The following GAPVD1 variants were observed in gnomAD, a reference collection of about 807,000 sequenced individuals.
GAPVD1 encodes GTPase activating protein and VPS9 domains 1.
Under a neutral mutation model 155.5 loss-of-function variants are expected in GAPVD1, and 35 were observed. That is an observed-to-expected ratio of 0.23 (90% CI 0.17 to 0.30). The LOEUF is 0.30. Among genes scored for constraint, GAPVD1 ranks in the 10% least tolerant of loss-of-function variants. The pLI is 1.00. For missense variants in GAPVD1, 1,429 were observed against 1,775.7 expected, an observed-to-expected ratio of 0.80 and a Z score of 3.51; for synonymous variants, 636 against 619.7, an observed-to-expected ratio of 1.03 and a Z score of -0.39.
intron 1 of GAPVD1, chr9:125,263,833 G>A (rs557170302): frequency 1.7e-6 from 2 of 1,157,416 alleles, no homozygotes; most frequent in East Asian, 2.3e-5. Context: ...TAGGGTAGCA[G>A]GTACAGTCTC....
intron 9 of GAPVD1, among the ~76,000 whole-genome samples, chr9:125,318,311 T>C (rs1843748163): frequency 6.6e-6 from 1 of 152,222 alleles, no homozygotes; most frequent in African/African-American, 2.4e-5. Flanking sequence ...ACTCAGATTC[T>C]GTGGTTTTAG....
intron 7 of GAPVD1, 32 bp downstream of exon 7, chr9:125,307,579 G>A (rs368890047): frequency 6.3e-6 from 10 of 1,598,154 alleles, no homozygotes; most frequent in South Asian, 2.2e-5. Flanking sequence ...AGAATTTCTC[G>A]AAAGTCTTTT....
chr9:125,348,479 G>A (rs115446748), intron 20 of GAPVD1, among the ~76,000 whole-genome samples: 2,742 of 152,084 alleles, frequency 0.018, 61 homozygotes, highest in African/African-American at 0.061. Context: ...CGTTTTGATT[G>A]TATACATGTA....
rs1435873086 is a variant in GAPVD1 at position 125,349,488 on chromosome 9, G to C, written c.3268G>C (p.Ala1090Pro). 17 of 1,614,028 alleles carry C rather than the reference G, an allele frequency of 1.1e-5. No homozygotes were observed. The highest frequency in any genetic ancestry group is 1.4e-5 in the Non-Finnish European group (16 of 1,179,958). The stretch of plus-strand genomic sequence containing the variant: ...TCTCCCAGACTCTGCAAGCCAAGCA[G>C]CCCACCCGCAGGATTCAGCTTTCTC... ...DDLPDSASQA[A>P]HPQDSAFSYR... Residue 1090 changes from alanine to proline, a missense_variant, in exon 21 of 28, where the codon GCC becomes CCC. Physicochemically the swap from Ala to Pro is conservative, Grantham distance 27 (BLOSUM62 -1). Transcript: ENST00000297933.
chr9:125,296,283 A>G (rs374423198), intron 3 of GAPVD1, among the ~76,000 whole-genome samples: 261 of 150,634 alleles, frequency 1.7e-3, no homozygotes, highest in African/African-American at 6.0e-3. Flanking sequence ...GGTTCAAGCA[A>G]TTCTCTGCCT....
intron 2 of GAPVD1, among the ~76,000 whole-genome samples, chr9:125,289,654 A>G (rs1838273790): frequency 1.3e-5 from 2 of 152,108 alleles, no homozygotes; most frequent in Non-Finnish European, 1.5e-5. Flanking sequence ...AGTTTTGGAC[A>G]TGTTTTAATT....
At chr9:125,357,943 C>G (rs1233547232) in intron 25 of GAPVD1, among the ~76,000 whole-genome samples, 1 of 151,740 alleles carries the variant, frequency 6.6e-6, no homozygotes, top group East Asian at 1.9e-4. Context: ...CCACTGCACT[C>G]CAACCTGGAC....
chr9:125,307,017 G>A (rs570680490), intron 6 of GAPVD1, among the ~76,000 whole-genome samples: 1 of 152,078 alleles, frequency 6.6e-6, no homozygotes, highest in African/African-American at 2.4e-5. Flanking sequence ...TGTATTTTTG[G>A]CACTTTGGGA....
chr9:125,341,186 C>T lies in GAPVD1; in HGVS notation c.2887C>T (p.Arg963Cys), dbSNP rs1426455159. ...CCAACTTTTTCTACAGACTGAAGAACGCAAAGATAGCGATGATGAGAAATC... is the reference window on the plus strand; with the variant it reads ...CCAACTTTTTCTACAGACTGAAGAATGCAAAGATAGCGATGATGAGAAATC... ...KDSSRGETEE[R>C]KDSDDEKSDR... is the part of the protein sequence containing the mutation. The change falls in exon 18 of 28, where the codon CGC becomes TGC. Residue 963 changes from arginine to cysteine, a missense_variant. Around this residue, in one of 4 missense-constraint regions of GAPVD1, gnomAD observed 699 missense variants for 826.0 expected, o/e 0.85. Coordinates refer to ENST00000297933, the MANE Select transcript of GAPVD1 (RefSeq NM_001282680.3). The T allele has an allele frequency of 4.4e-6, 7 of 1,588,952 alleles. No individual in the cohort carries two copies. Among genetic ancestry groups the T allele is most frequent in the African/African-American group, 2.7e-5 (2 of 74,436 alleles).
rs117900429 is a variant in GAPVD1 at position 125,325,671 on chromosome 9, A to G, written c.1859-745A>G. 5.3e-5 allele frequency among the ~76,000 whole-genome samples: 8 copies of G among 152,290 alleles called. No homozygotes were observed. The East Asian group carries it at 1.5e-3, about 29-fold the overall frequency. On this transcript the variant is annotated intron_variant, in intron 11 of 27. Transcript: ENST00000297933. ...GTCAGTTTTTAGAAAGAAAAAGAGT[A>G]TTGTCATTGGAGTGTGTGTGGCTTG...
intron 2 of GAPVD1, among the ~76,000 whole-genome samples, chr9:125,285,873 G>T (rs1295797117): frequency 6.6e-6 from 1 of 150,608 alleles, no homozygotes; most frequent in African/African-American, 2.4e-5. Context: ...CAGTGGCTCA[G>T]TCTTGGCTTA....
chr9:125,301,750 C>A (rs1045638027), intron 4 of GAPVD1, among the ~76,000 whole-genome samples: 1 of 151,924 alleles, frequency 6.6e-6, no homozygotes, highest in African/African-American at 2.4e-5. Flanking sequence ...GCACCCAGCC[C>A]CAATACTTTT....
At chr9:125,293,208 G>T (rs1350763900) in intron 2 of GAPVD1, among the ~76,000 whole-genome samples, 1 of 152,090 alleles carries the variant, frequency 6.6e-6, no homozygotes, top group Non-Finnish European at 1.5e-5. Flanking sequence ...AAATAGAAAA[G>T]TCTGAAAGAG....
At chr9:125,269,502 T>C (rs1444521458) in intron 2 of GAPVD1, among the ~76,000 whole-genome samples, 1 of 151,934 alleles carries the variant, frequency 6.6e-6, no homozygotes, top group Admixed American at 6.6e-5. Context: ...TTCTTGTTTT[T>C]TTTTTGAGTT....
At chr9:125,349,252 TTTTC>T (rs1258692358) in intron 20 of GAPVD1, 134 bp from the exon 21 acceptor site, 73 of 699,270 alleles carry the variant, frequency 1.0e-4, no homozygotes, top group Middle Eastern at 3.8e-4. Flanking sequence ...GAAGTTTGTT[TTTTC>T]TTTCTTTTTT....
At chr9:125,316,113 T>C (rs1843386743) in intron 9 of GAPVD1, among the ~76,000 whole-genome samples, 1 of 152,290 alleles carries the variant, frequency 6.6e-6, no homozygotes. Context: ...AAATAGTCAC[T>C]ACAACAAGCA....
At chr9:125,290,113 A>G (rs1838337891) in intron 2 of GAPVD1, among the ~76,000 whole-genome samples, 1 of 152,162 alleles carries the variant, frequency 6.6e-6, no homozygotes, top group African/African-American at 2.4e-5. Flanking sequence ...AGTTTTGAGT[A>G]GTGGAGCAAA....
intron 1 of GAPVD1, among the ~76,000 whole-genome samples, chr9:125,268,203 C>T (rs1834295909): frequency 6.8e-6 from 1 of 147,490 alleles, no homozygotes; most frequent in Non-Finnish European, 1.5e-5. Flanking sequence ...AACCCCCCCC[C>T]CCAAAAAAAA....
chr9:125,262,993 G>A (rs965839207), intron 1 of GAPVD1, among the ~76,000 whole-genome samples: 3 of 152,112 alleles, frequency 2.0e-5, no homozygotes, highest in Non-Finnish European at 2.9e-5. Context: ...TAGACCCGCC[G>A]TTAGACATTG....
Sources: allele counts gnomAD v4.1 joint callset (sites outside exome capture counted in the v4.1 genomes callset), GRCh38; gene constraint gnomAD v4.1.1; regional missense constraint gnomAD v4.1.1; transcripts MANE v1.5; gene names NCBI Gene and HGNC (gene_info 2026-07-23, HGNC 2026-07-21).